EBF2: variants seen among roughly 807,000 people sequenced by gnomAD.
EBF2 encodes EBF transcription factor 2, also known as transcription factor COE2.
In EBF2, 21 loss-of-function variants were observed where a neutral mutation model predicts 72.8. The observed-to-expected ratio is 0.29, with a 90% CI of 0.20 to 0.42. The LOEUF (loss-of-function observed/expected upper bound fraction) is 0.42, where lower values mean the gene tolerates loss of function less well. Among genes scored for constraint, EBF2 ranks in the 10% least tolerant of loss-of-function variants. EBF2 has a pLI of 1.00. For synonymous variants in EBF2, 299 were observed against 274.2 expected, an observed-to-expected ratio of 1.09 and a Z score of -0.89; for missense variants, 637 against 731.2, an observed-to-expected ratio of 0.87 and a Z score of 1.49.
intron 6 of EBF2, among the ~76,000 whole-genome samples, chr8:26,011,868 T>C (rs1805029139): frequency 6.6e-6 from 1 of 151,988 alleles, no homozygotes; most frequent in African/African-American, 2.4e-5. Flanking sequence ...GCCAGGAGCA[T>C]GGTGACATCA....
chr8:26,039,754 C>T (rs1563216639), intron 5 of EBF2, among the ~76,000 whole-genome samples: 1 of 152,240 alleles, frequency 6.6e-6, no homozygotes, highest in African/African-American at 2.4e-5. Context: ...CTACCACTGA[C>T]AAGGGCACAG....
chr8:25,987,459 C>T (rs1206298080), intron 6 of EBF2, among the ~76,000 whole-genome samples: 1 of 152,106 alleles, frequency 6.6e-6, no homozygotes, highest in East Asian at 1.9e-4. Context: ...CTATGGCTGG[C>T]TCTCCAAGTC....
intron 6 of EBF2, among the ~76,000 whole-genome samples, chr8:26,022,187 T>A (rs1805213056): frequency 6.6e-6 from 1 of 152,154 alleles, no homozygotes; most frequent in South Asian, 2.1e-4. Context: ...CCACCTCGAT[T>A]TTGTTCTGGG....
chr8:25,878,958 A>G (rs527384080), intron 10 of EBF2, among the ~76,000 whole-genome samples: 1 of 152,338 alleles, frequency 6.6e-6, no homozygotes, highest in East Asian at 1.9e-4. Context: ...TTCAGTATTT[A>G]AACGTGTGAT....
intron 10 of EBF2, among the ~76,000 whole-genome samples, chr8:25,881,812 G>A (rs970716505): frequency 6.6e-6 from 1 of 152,134 alleles, no homozygotes; most frequent in African/African-American, 2.4e-5. Context: ...TGGGTGGCTG[G>A]ACATCCAGAG....
intron 6 of EBF2, among the ~76,000 whole-genome samples, chr8:25,957,245 G>C (rs891137576): frequency 1.3e-5 from 2 of 152,160 alleles, no homozygotes; most frequent in Admixed American, 6.5e-5. Context: ...AGATCATGAT[G>C]CTTTGCATAT....
intron 9 of EBF2, 60 bp from the exon 10 acceptor site, chr8:25,886,941 T>G (rs2117289770): frequency 6.3e-7 from 1 of 1,578,572 alleles, no homozygotes; most frequent in East Asian, 2.2e-5. Context: ...ACCAAGGACA[T>G]AAGGTGTACA....
At chr8:26,028,962 T>G (rs1468263068) in intron 6 of EBF2, among the ~76,000 whole-genome samples, 2 of 152,150 alleles carry the variant, frequency 1.3e-5, no homozygotes, top group East Asian at 3.8e-4. Flanking sequence ...GGGGCATAGT[T>G]GCCCAAGAAT....
rs553267853 is a variant in EBF2, at chr8:26,022,412, A to G, written c.551+10673T>C. Among the ~76,000 whole-genome samples the G allele has an allele frequency of 2.0e-5, 3 of 152,340 alleles. No individual in the cohort carries two copies. In the East Asian group the frequency reaches 5.8e-4, roughly 29 times the overall value. On this transcript the variant is annotated intron_variant, in intron 6 of 15. Coordinates refer to ENST00000520164, the MANE Select transcript of EBF2 (RefSeq NM_022659.4). Reference sequence around the variant, plus strand: ...AAAACAGCTCACCATTTATCTCCAGAGAGACCCACACCTTGGGGCTTTTTT... The same window carrying G: ...AAAACAGCTCACCATTTATCTCCAGGGAGACCCACACCTTGGGGCTTTTTT...
chr8:25,948,253 C>T (rs986642788), intron 6 of EBF2, among the ~76,000 whole-genome samples: 1 of 152,220 alleles, frequency 6.6e-6, no homozygotes, highest in Non-Finnish European at 1.5e-5. Flanking sequence ...CCGCATACCT[C>T]CACCCCAGCG....
Position 25,984,055 on chromosome 8 carries a change from C to T in EBF2, c.551+49030G>A, listed in dbSNP as rs1376789486. On this transcript the variant is annotated intron_variant, in intron 6 of 15. Transcript: ENST00000520164. ...AACAGCACATAGCTGCGGGTACCAA[C>T]GTCAAAGACAGGAAAGAGTAAACCA... is the stretch of plus-strand genomic sequence containing the variant. Among the ~76,000 whole-genome samples the T allele has an allele frequency of 4.6e-5, 7 of 152,326 alleles. No individual in the cohort carries two copies. The East Asian group carries it at 1.4e-3, about 29-fold the overall frequency.
intron 14 of EBF2, among the ~76,000 whole-genome samples, chr8:25,854,561 C>T (rs1331349346): frequency 1.3e-5 from 2 of 152,154 alleles, no homozygotes; most frequent in South Asian, 2.1e-4. Context: ...ACAATGGTTA[C>T]CTCTGCACAG....
At chr8:25,896,234 G>A (rs1256642767) in intron 7 of EBF2, among the ~76,000 whole-genome samples, 7 of 152,172 alleles carry the variant, frequency 4.6e-5, no homozygotes, top group Admixed American at 1.3e-4. Context: ...AAACCTCCCC[G>A]TATGGGCCAG....
At chr8:25,853,913 A>G (rs1188127840) in intron 14 of EBF2, among the ~76,000 whole-genome samples, 1 of 152,160 alleles carries the variant, frequency 6.6e-6, no homozygotes, top group Non-Finnish European at 1.5e-5. Context: ...AAACTCTAGA[A>G]GGATGTGATA....
At chr8:26,031,079 AGT>A (rs1434391596) in intron 6 of EBF2, among the ~76,000 whole-genome samples, 104 of 152,326 alleles carry the variant, frequency 6.8e-4, no homozygotes, top group African/African-American at 2.3e-3. Flanking sequence ...GGTGCAGGTG[AGT>A]ATTTACAGAT....
chr8:25,890,075 C>T (rs1162331521), intron 7 of EBF2, among the ~76,000 whole-genome samples: 2 of 152,136 alleles, frequency 1.3e-5, no homozygotes, highest in African/African-American at 4.8e-5. Context: ...CATGCATTGT[C>T]AAGAACCTTT....
chr8:25,985,318 C>T (rs1031818515), intron 6 of EBF2, among the ~76,000 whole-genome samples: 6 of 152,182 alleles, frequency 3.9e-5, no homozygotes, highest in African/African-American at 7.2e-5. Flanking sequence ...CAGCAGATTT[C>T]CTTGTACATG....
chr8:25,943,184 AG>A (rs1174157117), intron 6 of EBF2, among the ~76,000 whole-genome samples: 4 of 151,998 alleles, frequency 2.6e-5, no homozygotes, highest in Non-Finnish European at 4.4e-5. Context: ...ATTTAAAACA[AG>A]GCCAGGCGGG....
intron 6 of EBF2, among the ~76,000 whole-genome samples, chr8:25,989,477 T>C (rs911318181): frequency 3.9e-5 from 6 of 152,360 alleles, no homozygotes; most frequent in Admixed American, 3.9e-4. Flanking sequence ...ATAAAGTATG[T>C]TATTTGGCAT....
Sources: allele counts gnomAD v4.1 joint callset (sites outside exome capture counted in the v4.1 genomes callset), GRCh38; gene constraint gnomAD v4.1.1; transcripts MANE v1.5; gene names NCBI Gene and HGNC (gene_info 2026-07-23, HGNC 2026-07-21).